DST: variants seen among roughly 807,000 people sequenced by gnomAD.
The protein encoded by DST is bullous pemphigoid antigen.
In DST, 253 loss-of-function variants were observed where a neutral mutation model predicts 875.2. The observed-to-expected ratio is 0.29, with a 90% CI of 0.26 to 0.32. DST has a LOEUF of 0.32. Ranked by LOEUF, DST falls within the 10% of genes least tolerant of loss-of-function variation. The pLI is 1.00. For synonymous variants in DST, 3,124 were observed against 3,197.1 expected (o/e 0.98, Z 0.77); for missense variants, 8,287 against 9,111.6 (o/e 0.91, Z 3.68).
intron 61 of DST, among the ~76,000 whole-genome samples, chr6:56,543,128 G>T (rs1475914497): frequency 6.6e-6 from 1 of 152,206 alleles, no homozygotes; most frequent in African/African-American, 2.4e-5. Flanking sequence ...GGAGATCCGC[G>T]AAGAAATTAT....
chr6:56,573,938 C>A, intron 50 of DST, 51 bp from the exon 51 acceptor site: 6 of 1,369,582 alleles, frequency 4.4e-6, no homozygotes, highest in Non-Finnish European at 6.0e-6. Flanking sequence ...TTTGCCCTAT[C>A]CCTTTTCAAA....
At position 56,750,574 on chromosome 6, in the gene DST, T is replaced by A. The variant is rs575206220; in HGVS notation, c.626-15285A>T. Among the ~76,000 whole-genome samples, 7 of 152,312 alleles carry A rather than the reference T, an allele frequency of 4.6e-5. No homozygotes were observed. In the South Asian group the frequency reaches 1.5e-3, roughly 32 times the overall value. On this transcript the variant is annotated intron_variant, in intron 4 of 103. Coordinates refer to ENST00000680361, the MANE Select transcript of DST (RefSeq NM_001374736.1). ...ATGAGAAAGTAACATAGTCACCTTC[T>A]AGTCCCTAAGACAAAAAAAAGAAAA...
intron 4 of DST, among the ~76,000 whole-genome samples, chr6:56,834,597 C>CAA (rs34195706): frequency 0.17 from 23,891 of 144,174 alleles, 2,070 homozygotes; most frequent in Non-Finnish European, 0.19. Context: ...ACTCCAACTC[C>CAA]AAAAAAAAAA....
At chr6:56,620,642 A>AACTTACCTTCTGAC (rs759734416) in intron 36 of DST, 1 of 1,614,100 alleles carries the variant, frequency 6.2e-7, no homozygotes, top group East Asian at 2.2e-5. Context: ...GCTATTCTCA[A>AACTTACCTTCTGAC]GCACTGTTGC....
chr6:56,745,586 T>C (rs1279502097), intron 4 of DST, among the ~76,000 whole-genome samples: 2 of 152,024 alleles, frequency 1.3e-5, no homozygotes, highest in Non-Finnish European at 2.9e-5. Context: ...AAACAAGTCA[T>C]GAACCAAAAA....
At position 56,871,532 on chromosome 6, in the gene DST, T is replaced by C. The variant is rs1777095127; in HGVS notation, c.418-19928A>G. ...GCTTAGAGGTAGATTCTCTGGTCAT[T>C]GAGCATATCCAAATAAACAAAGCAC... On this transcript the variant is annotated intron_variant, in intron 3 of 103. Coordinates refer to ENST00000680361, the MANE Select transcript of DST (RefSeq NM_001374736.1). The C allele has an allele frequency of 2.3e-6, 3 of 1,294,036 alleles. No homozygotes were observed. In the South Asian group the frequency reaches 3.5e-5, roughly 15 times the overall value. The allele number at this position is 1,294,036 out of a possible 1,614,324, so 80.2% of individuals were successfully genotyped here.
intron 4 of DST, among the ~76,000 whole-genome samples, chr6:56,807,227 T>C (rs540122599): frequency 6.6e-6 from 1 of 152,270 alleles, no homozygotes; most frequent in Admixed American, 6.5e-5. Context: ...GGTTTTGCCA[T>C]GTTGTCCAGA....
chr6:56,655,334 G>C (rs1235967842), intron 10 of DST, among the ~76,000 whole-genome samples: 1 of 152,110 alleles, frequency 6.6e-6, no homozygotes, highest in African/African-American at 2.4e-5. Flanking sequence ...AGTTAACTAA[G>C]AGAAAGAAAA....
chr6:56,469,786 A>C, intron 97 of DST, 97 bp downstream of exon 97: 1 of 1,084,244 alleles, frequency 9.2e-7, no homozygotes, highest in Non-Finnish European at 1.4e-6. Context: ...TAAAAAAGTA[A>C]ATAAATAAGA....
At chr6:56,593,001 G>GT (rs2098307770) in intron 48 of DST, among the ~76,000 whole-genome samples, 1 of 151,982 alleles carries the variant, frequency 6.6e-6, no homozygotes, top group South Asian at 2.1e-4. Flanking sequence ...CACCTGCAGT[G>GT]TTTGTGAAGA....
intron 63 of DST, among the ~76,000 whole-genome samples, chr6:56,534,222 A>G (rs533911990): frequency 3.3e-5 from 5 of 152,336 alleles, no homozygotes; most frequent in African/African-American, 1.2e-4. Context: ...AAAATTTTAA[A>G]AAATTTCTTT....
At chr6:56,650,888 GA>G (rs1301035580) in intron 12 of DST, 37 bp downstream of exon 12, 4 of 1,317,108 alleles carry the variant, frequency 3.0e-6, no homozygotes, top group Non-Finnish European at 4.3e-6. Context: ...GGTCATTACT[GA>G]ATCAACAGCT....
rs140462707 is a variant in DST, at chr6:56,603,408, C to T, written c.10954G>A (p.Gly3652Arg). Reference sequence around the variant, plus strand: ...AAAATAACAGCAATTGGAGCTAATCCCAATTCAAATGTCTGCAAAGAAATA... The same window carrying T: ...AAAATAACAGCAATTGGAGCTAATCTCAATTCAAATGTCTGCAAAGAAATA... ...QLRQLETFEL[G>R]LAPIAVILRK... The change falls in exon 42 of 104, where the codon GGA becomes AGA. Residue 3652 changes from glycine (G) to arginine (R), a missense_variant. Around this residue, in one of 10 missense-constraint regions of DST, gnomAD observed 3,138 missense variants for 3,116.6 expected, o/e 1.01. Coordinates refer to ENST00000680361, the MANE Select transcript of DST (RefSeq NM_001374736.1). The T allele has an allele frequency of 4.5e-3, 7,190 of 1,609,966 alleles. 25 individuals carry two copies. Among genetic ancestry groups the T allele is most frequent in the Admixed American group, 6.5e-3 (391 of 59,742 alleles).
intron 4 of DST, among the ~76,000 whole-genome samples, chr6:56,817,602 A>C (rs2099768081): frequency 6.6e-6 from 1 of 152,208 alleles, no homozygotes; most frequent in Non-Finnish European, 1.5e-5. Context: ...AAAACAGTAC[A>C]TAATTAGCCA....
rs150125135 is a variant in DST, at chr6:56,686,661, G to A, written c.1047+12992C>T. 2.4e-4 allele frequency among the ~76,000 whole-genome samples: 37 copies of A among 152,298 alleles called. No individual in the cohort carries two copies. In the East Asian group the frequency reaches 6.5e-3, roughly 27 times the overall value. On this transcript the variant is annotated intron_variant, in intron 9 of 103. Transcript: ENST00000680361. Reference sequence around the variant, plus strand: ...ATATTTGCTAAAGAAATGAGAGGATGAATGAAGGTGGGATCACAGCGGGAG... The same window carrying A: ...ATATTTGCTAAAGAAATGAGAGGATAAATGAAGGTGGGATCACAGCGGGAG...
intron 2 of DST, among the ~76,000 whole-genome samples, chr6:56,938,391 T>TG (rs1274651888): frequency 6.6e-6 from 1 of 152,060 alleles, no homozygotes; most frequent in Non-Finnish European, 1.5e-5. Context: ...CCCAAAGCAC[T>TG]GGGATTACAA....
chr6:56,615,305 G>C, intron 36 of DST: 2 of 1,368,082 alleles, frequency 1.5e-6, no homozygotes, highest in Non-Finnish European at 1.9e-6. Flanking sequence ...CATTCTCAAG[G>C]CTAAATGAAA....
At chr6:56,846,679 C>T (rs2099807516) in intron 4 of DST, among the ~76,000 whole-genome samples, 1 of 151,958 alleles carries the variant, frequency 6.6e-6, no homozygotes, top group Non-Finnish European at 1.5e-5. Context: ...ATGATGAAAC[C>T]ACAACAGATA....
intron 4 of DST, among the ~76,000 whole-genome samples, chr6:56,781,733 G>C (rs1174532286): frequency 2.6e-5 from 4 of 151,940 alleles, no homozygotes; most frequent in Non-Finnish European, 2.9e-5. Flanking sequence ...CTGCCTAATT[G>C]CCCTGGCCAG....
Sources: gnomAD v4.1 joint callset for allele counts (sites outside exome capture counted in the v4.1 genomes callset) on GRCh38, gnomAD v4.1.1 for gene constraint, gnomAD v4.1.1 regional missense constraint, MANE v1.5 for transcripts, NCBI Gene and HGNC (gene_info 2026-07-23, HGNC 2026-07-21) for gene names.